Variants in PTPRD observed in about 807,000 individuals in gnomAD.
PTPRD encodes protein tyrosine phosphatase receptor type D.
Under a neutral mutation model 214.5 loss-of-function variants are expected in PTPRD, and 34 were observed. That is an observed-to-expected ratio of 0.16 (90% CI 0.12 to 0.21). The LOEUF is 0.21. PTPRD is among the 10% of genes least tolerant of loss of function. PTPRD has a pLI of 1.00. For synonymous variants in PTPRD, 1,128 were observed against 845.7 expected (o/e 1.33, Z -5.79); for missense variants, 2,545 against 2,398.7 (o/e 1.06, Z -1.27).
rs761007849 is a variant in PTPRD, at chr9:8,319,807, G to A, written c.5670+24C>T. On this transcript the variant is annotated intron_variant, in intron 45 of 45. Transcript: ENST00000381196. ...AGCAAAACGTAGGCTCTTGAGATGC[G>A]AAAAATGCAATGGATTTTCTCACCT... 32 of 1,611,114 alleles carry A rather than the reference G, an allele frequency of 2.0e-5. 2 individuals carry two copies. Among genetic ancestry groups the A allele is most frequent in the Non-Finnish European group, 2.5e-5 (30 of 1,178,760 alleles).
intron 10 of PTPRD, among the ~76,000 whole-genome samples, chr9:9,091,991 T>A (rs1442357883): frequency 6.6e-6 from 1 of 152,198 alleles, no homozygotes; most frequent in Non-Finnish European, 1.5e-5. Flanking sequence ...GCCATTTTCT[T>A]TTCTCTCAGT....
chr9:9,914,773 T>C (rs746675841), intron 5 of PTPRD, among the ~76,000 whole-genome samples: 3 of 152,154 alleles, frequency 2.0e-5, no homozygotes, highest in Non-Finnish European at 4.4e-5. Context: ...CTTGTGCTCA[T>C]ATCTCAGGCC....
At chr9:8,700,399 A>C (rs1266464087) in intron 12 of PTPRD, among the ~76,000 whole-genome samples, 1 of 152,222 alleles carries the variant, frequency 6.6e-6, no homozygotes, top group Non-Finnish European at 1.5e-5. Flanking sequence ...ATCATGATGT[A>C]CTTAAATTCA....
intron 2 of PTPRD, among the ~76,000 whole-genome samples, chr9:10,456,809 T>A (rs1403881698): frequency 1.3e-5 from 2 of 151,998 alleles, no homozygotes; most frequent in East Asian, 3.8e-4. Flanking sequence ...AGAATATAAC[T>A]CATTTCTGTA....
chr9:10,582,485 C>A (rs2072267967), intron 2 of PTPRD, among the ~76,000 whole-genome samples: 1 of 152,098 alleles, frequency 6.6e-6, no homozygotes, highest in African/African-American at 2.4e-5. Flanking sequence ...CTACTTTATC[C>A]ATATTATAAA....
chr9:9,371,471 T>A (rs2059474660), intron 9 of PTPRD, among the ~76,000 whole-genome samples: 1 of 152,190 alleles, frequency 6.6e-6, no homozygotes, highest in Non-Finnish European at 1.5e-5. Flanking sequence ...CCCTTTATCA[T>A]TTTTTATTGC....
intron 5 of PTPRD, among the ~76,000 whole-genome samples, chr9:9,802,249 G>C (rs751016819): frequency 6.6e-6 from 1 of 151,898 alleles, no homozygotes; most frequent in Non-Finnish European, 1.5e-5. Context: ...TTGAGATCAA[G>C]ATTCCTATGG....
intron 8 of PTPRD, among the ~76,000 whole-genome samples, chr9:9,448,775 T>G (rs559341260): frequency 2.2e-4 from 34 of 152,030 alleles, no homozygotes; most frequent in African/African-American, 8.0e-4. Context: ...TCCAGGAAAT[T>G]TACTGTTTTC....
intron 44 of PTPRD, among the ~76,000 whole-genome samples, chr9:8,330,000 C>T (rs1173562138): frequency 1.3e-5 from 2 of 151,446 alleles, no homozygotes; most frequent in African/African-American, 2.4e-5. Context: ...TGGGACACAC[C>T]AAGCCAGGCA....
At chr9:8,504,221 G>A (rs541995431) in intron 23 of PTPRD, 40 bp downstream of exon 23, 1 of 1,609,516 alleles carries the variant, frequency 6.2e-7, no homozygotes, top group South Asian at 1.1e-5. Context: ...TCTCCCCGAG[G>A]AAATAAAAAG....
chr9:9,841,171 C>G (rs555774059), intron 5 of PTPRD, among the ~76,000 whole-genome samples: 1 of 152,224 alleles, frequency 6.6e-6, no homozygotes, highest in Non-Finnish European at 1.5e-5. Flanking sequence ...AATTATTTTG[C>G]ATCGTCGGAA....
chr9:9,468,849 G>C (rs1438841308), intron 8 of PTPRD, among the ~76,000 whole-genome samples: 1 of 152,078 alleles, frequency 6.6e-6, no homozygotes, highest in East Asian at 1.9e-4. Flanking sequence ...TTATTCTCAA[G>C]GCTTAGTGTG....
chr9:8,767,527 C>T (rs148452617), intron 11 of PTPRD, among the ~76,000 whole-genome samples: 6 of 152,148 alleles, frequency 3.9e-5, no homozygotes, highest in Non-Finnish European at 7.4e-5. Flanking sequence ...TTTGTAATGG[C>T]AAAACTAGAA....
At chr9:8,468,817 A>T (rs1034038730) in intron 31 of PTPRD, among the ~76,000 whole-genome samples, 1 of 148,880 alleles carries the variant, frequency 6.7e-6, no homozygotes, top group Non-Finnish European at 1.5e-5. Flanking sequence ...AAAAAAAAAA[A>T]CTCTCTGTAG....
chr9:8,547,641 T>TA lies in PTPRD; in HGVS notation c.353-18863dup, dbSNP rs759867541. The stretch of plus-strand genomic sequence containing the variant: ...CTGCGTGATGAGGTGGAATCCTATT[T>TA]AAAAAAAAAAAAAAAAAAAAGAGAG... On this transcript the variant is annotated intron_variant, in intron 14 of 45. Transcript: ENST00000381196. Among the ~76,000 whole-genome samples, 931 of 110,934 alleles carry TA rather than the reference T, an allele frequency of 8.4e-3. 11 individuals carry two copies. Among genetic ancestry groups the TA allele is most frequent in the South Asian group, 0.041 (140 of 3,400 alleles). 72.8% of individuals were successfully genotyped at this position (110,934 alleles called of 152,430 possible). A position where few individuals can be genotyped will look rare whatever the true frequency, so the allele number is the denominator to read the frequency against.
intron 11 of PTPRD, among the ~76,000 whole-genome samples, chr9:8,893,986 T>A (rs1217452889): frequency 6.6e-6 from 1 of 152,106 alleles, no homozygotes. Flanking sequence ...TCAAACATAT[T>A]GTATCTCTCA....
chr9:9,902,904 G>A lies in PTPRD; in HGVS notation c.-368+35603C>T, dbSNP rs373649087. Among the ~76,000 whole-genome samples the A allele has an allele frequency of 2.0e-5, 3 of 152,016 alleles. No homozygotes were observed. In the East Asian group the frequency reaches 5.8e-4, roughly 29 times the overall value. On this transcript the variant is annotated intron_variant, in intron 5 of 45. Coordinates refer to ENST00000381196, the MANE Select transcript of PTPRD (RefSeq NM_002839.4). ...CAACATTTTCTACATTTTTTTGTTT[G>A]TGTAATATCAAAAGTGTGACGTTGG...
At chr9:10,551,137 C>A (rs2061266290) in intron 2 of PTPRD, among the ~76,000 whole-genome samples, 1 of 152,078 alleles carries the variant, frequency 6.6e-6, no homozygotes. Flanking sequence ...AGTCCAAGAC[C>A]AGCCTGGGCA....
intron 30 of PTPRD, among the ~76,000 whole-genome samples, chr9:8,480,061 C>A (rs979716367): frequency 2.0e-5 from 3 of 152,172 alleles, no homozygotes; most frequent in Non-Finnish European, 2.9e-5. Flanking sequence ...TGAATCTATT[C>A]TCTTACTATA....
Sources: gnomAD v4.1 joint callset for allele counts (sites outside exome capture counted in the v4.1 genomes callset) on GRCh38, gnomAD v4.1.1 for gene constraint, MANE v1.5 for transcripts, NCBI Gene and HGNC (gene_info 2026-07-23, HGNC 2026-07-21) for gene names.